The following FOXB2 variants were observed in gnomAD, a reference collection of about 807,000 sequenced individuals.
The protein encoded by FOXB2 is forkhead box B2.
Under a neutral mutation model 0.9 loss-of-function variants are expected in FOXB2, and 1 was observed. The observed-to-expected ratio is 1.09, with a 90% CI of 0.39 to 5.18. The LOEUF (loss-of-function observed/expected upper bound fraction) is 5.18. FOXB2 is among the 30% of genes most tolerant of loss of function. The pLI is 0.16. For missense variants in FOXB2, 670 were observed against 626.6 expected (o/e 1.07, Z -0.74); for synonymous variants, 322 against 293.5 (o/e 1.10, Z -0.99).
chr9:77,020,852 G>C lies in FOXB2; in HGVS notation c.1198G>C (p.Ala400Pro). 1 of 1,547,634 alleles carries C rather than the reference G, an allele frequency of 6.5e-7. No homozygotes were observed. The highest frequency in any genetic ancestry group is 2.4e-5 in the East Asian group (1 of 41,778). Reference protein sequence around the residue: ...QPPAPSTVCSAAAASPVASLL... With the variant: ...QPPAPSTVCSPAAASPVASLL... ...TCCGGCGCCATCCACCGTGTGCTCCGCGGCCGCGGCCTCGCCCGTTGCCTC... is the reference window on the plus strand; with the variant it reads ...TCCGGCGCCATCCACCGTGTGCTCCCCGGCCGCGGCCTCGCCCGTTGCCTC... Residue 400 changes from alanine (A) to proline (P), a missense_variant, in exon 1 of 1, where the codon GCG (alanine) becomes CCG (proline). Coordinates refer to ENST00000376708, the MANE Select transcript of FOXB2 (RefSeq NM_001013735.1). The surrounding 1 kb of genome is among the most constrained non-coding windows in gnomAD (Gnocchi z 4.9).
rs898574373 is a variant in FOXB2 at position 77,019,966 on chromosome 9, G to T, written c.312G>T (p.Arg104=). The part of the protein sequence containing the change: ...GDMFENGSFL[R]RRKRFKVLRA... ...TGTTCGAGAACGGCAGCTTCCTGCG[G>T]CGTCGCAAGCGCTTCAAGGTGCTGC... Residue 104 remains arginine, a synonymous_variant, in exon 1 of 1, where the codon CGG becomes CGT. Transcript: ENST00000376708. The surrounding 1 kb of genome is among the most constrained non-coding windows in gnomAD (Gnocchi z 4.4). 4 of 1,612,744 alleles carry T rather than the reference G, an allele frequency of 2.5e-6. No individual in the cohort carries two copies. The highest frequency in any genetic ancestry group is 2.7e-5 in the African/African-American group (2 of 74,916).
At position 77,020,006 on chromosome 9, in the gene FOXB2, C is replaced by A. The variant is rs746062219; in HGVS notation, c.352C>A (p.His118Asn). The change falls in exon 1 of 1, where the codon CAC becomes AAC. Residue 118 changes from histidine (H) to asparagine (N), a missense_variant. Transcript: ENST00000376708. The surrounding 1 kb of genome is among the most constrained non-coding windows in gnomAD (Gnocchi z 4.9). The stretch of plus-strand genomic sequence containing the variant: ...CAAGGTGCTGCGCGCCGACCATACT[C>A]ACTTGCACGCGGGAAGCACCAAGAG... Reference protein sequence around the residue: ...RFKVLRADHTHLHAGSTKSAP... With the variant: ...RFKVLRADHTNLHAGSTKSAP... The A allele has an allele frequency of 1.2e-6, 2 of 1,611,246 alleles. No individual in the cohort carries two copies. Among genetic ancestry groups the A allele is most frequent in the South Asian group, 2.2e-5 (2 of 90,980 alleles).
Position 77,020,619 on chromosome 9 carries a change from C to A in FOXB2, c.965C>A (p.Ser322Ter), listed in dbSNP as rs746216665. The change falls in exon 1 of 1, where the codon TCG (serine) becomes TAG (stop). Residue 322 changes from serine (S) to a stop codon, truncating the protein, a stop_gained. Transcript: ENST00000376708. LOFTEE classifies it low-confidence loss of function (END_TRUNC). The surrounding 1 kb of genome is among the most constrained non-coding windows in gnomAD (Gnocchi z 4.9). ...TGGCCGCACGTTGGCGTCATGGATT[C>A]GGTGGCCGCCGCCGCGGCCGCCGCA... Reference protein sequence around the residue: ...SVWPHVGVMDSVAAAAAAAAA... With the variant: ...SVWPHVGVMD The A allele has an allele frequency of 6.3e-7, 1 of 1,597,960 alleles. No homozygotes were observed. The highest frequency in any genetic ancestry group is 1.7e-5 in the Admixed American group (1 of 58,436).
At position 77,020,599 on chromosome 9, in the gene FOXB2, G is replaced by A; in HGVS notation, c.945G>A (p.Pro315=). The stretch of plus-strand genomic sequence containing the variant: ...GCAACGTCGTCAGCTCCGTGTGGCC[G>A]CACGTTGGCGTCATGGATTCGGTGG... ...QLGNVVSSVW[P]HVGVMDSVAA... Residue 315 remains proline (P), a synonymous_variant, in exon 1 of 1, where the codon CCG becomes CCA. Coordinates refer to ENST00000376708, the MANE Select transcript of FOXB2 (RefSeq NM_001013735.1). This position sits in a 1 kb window ranked among gnomAD's most constrained non-coding sequence, Gnocchi z 4.9. The A allele has an allele frequency of 1.2e-6, 2 of 1,606,996 alleles. No individual in the cohort carries two copies. Among genetic ancestry groups the A allele is most frequent in the Middle Eastern group, 1.7e-4 (1 of 6,036 alleles).
chr9:77,020,560 G>A lies in FOXB2; in HGVS notation c.906G>A (p.Val302=), dbSNP rs1283018458. The change falls in exon 1 of 1, where the codon GTG becomes GTA. Residue 302 remains valine (V), a synonymous_variant. Transcript: ENST00000376708. The surrounding 1 kb of genome is among the most constrained non-coding windows in gnomAD (Gnocchi z 4.9). ...ASVMHHLGYP[V]PGQLGNVVSS... is the part of the protein sequence containing the mutation. ...TCATGCACCACCTGGGCTACCCCGT[G>A]CCCGGCCAGCTTGGCAACGTCGTCA... 2 of 1,610,696 alleles carry A rather than the reference G, an allele frequency of 1.2e-6. No individual in the cohort carries two copies. The highest frequency in any genetic ancestry group is 1.7e-6 in the Non-Finnish European group (2 of 1,179,386).
Position 77,020,582 on chromosome 9 carries a change from G to C in FOXB2, c.928G>C (p.Val310Leu), listed in dbSNP as rs373706916. The part of the protein sequence containing the change: ...YPVPGQLGNV[V>L]SSVWPHVGVM... ...CGTGCCCGGCCAGCTTGGCAACGTC[G>C]TCAGCTCCGTGTGGCCGCACGTTGG... Residue 310 changes from valine to leucine, a missense_variant, in exon 1 of 1, where the codon GTC (valine) becomes CTC (leucine). By Grantham distance (32) the Val-to-Leu change is conservative. Transcript: ENST00000376708. This position sits in a 1 kb window ranked among gnomAD's most constrained non-coding sequence, Gnocchi z 4.9. 7.5e-6 allele frequency: 12 copies of C among 1,609,522 alleles called. No individual in the cohort carries two copies. Among genetic ancestry groups the C allele is most frequent in the Non-Finnish European group, 1.0e-5 (12 of 1,179,052 alleles).
Position 77,019,819 on chromosome 9 carries a change from G to A in FOXB2, c.165G>A (p.Gln55=), listed in dbSNP as rs747383056. 6.2e-7 allele frequency: 1 copy of A among 1,614,102 alleles called. No homozygotes were observed. The highest frequency in any genetic ancestry group is 8.5e-7 in the Non-Finnish European group (1 of 1,180,030). ...ERFPYYREHT[Q]RWQNSLRHNL... ...TCCCCTACTACCGCGAGCACACACA[G>A]CGCTGGCAGAACAGCCTGCGCCACA... Residue 55 remains glutamine, a synonymous_variant, in exon 1 of 1, where the codon CAG becomes CAA. Coordinates refer to ENST00000376708, the MANE Select transcript of FOXB2 (RefSeq NM_001013735.1). The surrounding 1 kb of genome is among the most constrained non-coding windows in gnomAD (Gnocchi z 4.4).
Position 77,019,784 on chromosome 9 carries a change from A to G in FOXB2, c.130A>G (p.Met44Val), listed in dbSNP as rs764106651. ...LPLSDIYKFI[M>V]ERFPYYREHT... ...GCTGAGCGACATCTACAAGTTCATC[A>G]TGGAGCGCTTCCCCTACTACCGCGA... The change falls in exon 1 of 1, where the codon ATG (methionine) becomes GTG (valine). Residue 44 changes from methionine (M) to valine (V), a missense_variant. Transcript: ENST00000376708. This position sits in a 1 kb window ranked among gnomAD's most constrained non-coding sequence, Gnocchi z 4.4. 2 of 1,614,096 alleles carry G rather than the reference A, an allele frequency of 1.2e-6. No individual in the cohort carries two copies. Among genetic ancestry groups the G allele is most frequent in the East Asian group, 2.2e-5 (1 of 44,848 alleles).
Position 77,019,955 on chromosome 9 carries a change from A to T in FOXB2, c.301A>T (p.Ser101Cys). 1 of 1,613,166 alleles carries T rather than the reference A, an allele frequency of 6.2e-7. No homozygotes were observed. The highest frequency in any genetic ancestry group is 8.5e-7 in the Non-Finnish European group (1 of 1,180,008). ...PDCGDMFENGSFLRRRKRFKV... is the reference protein window; with the variant it reads ...PDCGDMFENGCFLRRRKRFKV... ...CTGCGGGGACATGTTCGAGAACGGC[A>T]GCTTCCTGCGGCGTCGCAAGCGCTT... Residue 101 changes from serine to cysteine, a missense_variant, in exon 1 of 1, where the codon AGC becomes TGC. Ser to Cys is a moderately radical substitution (Grantham distance 112, BLOSUM62 -1). Coordinates refer to ENST00000376708, the MANE Select transcript of FOXB2 (RefSeq NM_001013735.1). This position sits in a 1 kb window ranked among gnomAD's most constrained non-coding sequence, Gnocchi z 4.4.
chr9:77,020,402 GGCTCGGCCGCCGCCGCTGCCGCCGCGGC>G lies in FOXB2; in HGVS notation c.749_776del (p.Gly250AlafsTer79). ...GTCTCAGTTCCCACCCTACGGGCTG[GGCTCGGCCGCCGCCGCTGCCGCCGCGGC>G]CGCGGCGTCCACGTCAGGCTTCAAG... On this transcript the variant is annotated frameshift_variant, in exon 1 of 1. Coordinates refer to ENST00000376708, the MANE Select transcript of FOXB2 (RefSeq NM_001013735.1). LOFTEE classifies it low-confidence loss of function (END_TRUNC). The surrounding 1 kb of genome is among the most constrained non-coding windows in gnomAD (Gnocchi z 4.9). 6.3e-7 allele frequency: 1 copy of G among 1,582,434 alleles called. No individual in the cohort carries two copies. The highest frequency in any genetic ancestry group is 1.1e-5 in the South Asian group (1 of 88,454).
chr9:77,020,161 G>GCCT lies in FOXB2; in HGVS notation c.509_510insTCC (p.Pro174dup), dbSNP rs772063778. The GCCT allele has an allele frequency of 4.5e-5, 56 of 1,257,414 alleles. 1 individual carries two copies. In the Admixed American group the frequency reaches 9.1e-4, roughly 20 times the overall value. The allele number at this position is 1,257,414 out of a possible 1,614,324, so 77.9% of individuals were successfully genotyped here. A position where few individuals can be genotyped will look rare whatever the true frequency, so the allele number is the denominator to read the frequency against. ...ACCCACCCCAGCCGCCGCCGCCGCCGCCCCCGCCGCCGCCGCACATGGTAC... is the reference window on the plus strand; with the variant it reads ...ACCCACCCCAGCCGCCGCCGCCGCCGCCTCCCCCGCCGCCGCCGCACATGGTAC... On this transcript the variant is annotated inframe_insertion, in exon 1 of 1. Transcript: ENST00000376708. The surrounding 1 kb of genome is among the most constrained non-coding windows in gnomAD (Gnocchi z 4.9).
At position 77,020,874 on chromosome 9, in the gene FOXB2, C is replaced by G; in HGVS notation, c.1220C>G (p.Ala407Gly). 1 of 1,555,798 alleles carries G rather than the reference C, an allele frequency of 6.4e-7. No homozygotes were observed. Among genetic ancestry groups the G allele is most frequent in the Non-Finnish European group, 8.6e-7 (1 of 1,157,626 alleles). Residue 407 changes from alanine (A) to glycine (G), a missense_variant, in exon 1 of 1, where the codon GCC becomes GGC. By Grantham distance (60) the Ala-to-Gly change is moderately conservative. Coordinates refer to ENST00000376708, the MANE Select transcript of FOXB2 (RefSeq NM_001013735.1). This position sits in a 1 kb window ranked among gnomAD's most constrained non-coding sequence, Gnocchi z 4.9. ...VCSAAAASPV[A>G]SLLEPTAPTS... ...TCCGCGGCCGCGGCCTCGCCCGTTGCCTCTCTGCTGGAGCCCACAGCCCCT... is the reference window on the plus strand; with the variant it reads ...TCCGCGGCCGCGGCCTCGCCCGTTGGCTCTCTGCTGGAGCCCACAGCCCCT...
rs2063914174 is a variant in FOXB2 at position 77,020,623 on chromosome 9, G to GGCC, written c.978_980dup (p.Ala333dup). 6.3e-7 allele frequency: 1 copy of GGCC among 1,596,162 alleles called. No homozygotes were observed. Among genetic ancestry groups the GGCC allele is most frequent in the Admixed American group, 1.7e-5 (1 of 58,140 alleles). ...CGCACGTTGGCGTCATGGATTCGGT[G>GGCC]GCCGCCGCCGCGGCCGCCGCAGCCG... On this transcript the variant is annotated inframe_insertion, in exon 1 of 1. Transcript: ENST00000376708. The surrounding 1 kb of genome is among the most constrained non-coding windows in gnomAD (Gnocchi z 4.9).
chr9:77,020,544 A>C lies in FOXB2; in HGVS notation c.890A>C (p.His297Pro). ...CTGCCCTTGGCGTCCGTCATGCACC[A>C]CCTGGGCTACCCCGTGCCCGGCCAG... is the stretch of plus-strand genomic sequence containing the variant. The part of the protein sequence containing the change: ...GGLPLASVMH[H>P]LGYPVPGQLG... Residue 297 changes from histidine to proline, a missense_variant, in exon 1 of 1, where the codon CAC (histidine) becomes CCC (proline). Physicochemically the swap from His to Pro is moderately conservative, Grantham distance 77. Transcript: ENST00000376708. The surrounding 1 kb of genome is among the most constrained non-coding windows in gnomAD (Gnocchi z 4.9). 6.2e-7 allele frequency: 1 copy of C among 1,609,792 alleles called. No homozygotes were observed. Among genetic ancestry groups the C allele is most frequent in the Non-Finnish European group, 8.5e-7 (1 of 1,179,104 alleles).
rs1296499621 is a variant in FOXB2 at position 77,020,008 on chromosome 9, C to T, written c.354C>T (p.His118=). The change falls in exon 1 of 1, where the codon CAC becomes CAT. Residue 118 remains histidine, a synonymous_variant. Transcript: ENST00000376708. This position sits in a 1 kb window ranked among gnomAD's most constrained non-coding sequence, Gnocchi z 4.9. ...AGGTGCTGCGCGCCGACCATACTCA[C>T]TTGCACGCGGGAAGCACCAAGAGCG... ...RFKVLRADHT[H]LHAGSTKSAP... is the part of the protein sequence containing the mutation. 9 of 1,611,040 alleles carry T rather than the reference C, an allele frequency of 5.6e-6. No individual in the cohort carries two copies. Among genetic ancestry groups the T allele is most frequent in the Non-Finnish European group, 7.6e-6 (9 of 1,179,350 alleles).
In FOXB2 at chr9:77,020,539, GCACCAC is replaced by G. The variant is rs778716347; in HGVS notation, c.887_892del (p.His296_His297del). The G allele has an allele frequency of 1.2e-6, 2 of 1,611,080 alleles. No homozygotes were observed. The highest frequency in any genetic ancestry group is 2.7e-5 in the African/African-American group (2 of 74,648). ...GAGGGCTGCCCTTGGCGTCCGTCAT[GCACCAC>G]CTGGGCTACCCCGTGCCCGGCCAGC... On this transcript the variant is annotated inframe_deletion, in exon 1 of 1. Transcript: ENST00000376708. The surrounding 1 kb of genome is among the most constrained non-coding windows in gnomAD (Gnocchi z 4.9).
rs545114398 is a variant in FOXB2, at chr9:77,020,722, C to A, written c.1068C>A (p.Ser356Arg). Reference protein sequence around the residue: ...VPVKSLCHSASQSLPAMPVPI... With the variant: ...VPVKSLCHSARQSLPAMPVPI... ...TCAAGTCCCTGTGCCACTCGGCAAG[C>A]CAGAGCCTGCCTGCCATGCCGGTGC... The change falls in exon 1 of 1, where the codon AGC becomes AGA. Residue 356 changes from serine to arginine, a missense_variant. Transcript: ENST00000376708. This position sits in a 1 kb window ranked among gnomAD's most constrained non-coding sequence, Gnocchi z 4.9. The A allele has an allele frequency of 1.3e-6, 2 of 1,596,390 alleles. No homozygotes were observed. The highest frequency in any genetic ancestry group is 1.1e-5 in the South Asian group (1 of 89,202).
chr9:77,020,325 C>T lies in FOXB2; in HGVS notation c.671C>T (p.Ala224Val). The part of the protein sequence containing the change: ...PGKMQEAAAV[A>V]AAAAAAAAAA... ...AAGATGCAGGAGGCGGCGGCCGTGG[C>T]GGCGGCGGCGGCGGCGGCCGCGGCA... The change falls in exon 1 of 1, where the codon GCG (alanine) becomes GTG (valine). Residue 224 changes from alanine (A) to valine (V), a missense_variant. Physicochemically the swap from Ala to Val is moderately conservative, Grantham distance 64. Transcript: ENST00000376708. This position sits in a 1 kb window ranked among gnomAD's most constrained non-coding sequence, Gnocchi z 4.9. 4.9e-6 allele frequency: 5 copies of T among 1,014,566 alleles called. No homozygotes were observed. Among genetic ancestry groups the T allele is most frequent in the Non-Finnish European group, 6.1e-6 (5 of 821,974 alleles). 62.8% of individuals were successfully genotyped at this position (1,014,566 alleles called of 1,614,324 possible).
At position 77,020,312 on chromosome 9, in the gene FOXB2, G is replaced by A; in HGVS notation, c.658G>A (p.Ala220Thr). Reference sequence around the variant, plus strand: ...GTCTCACCCCGGCAAGATGCAGGAGGCGGCGGCCGTGGCGGCGGCGGCGGC... The same window carrying A: ...GTCTCACCCCGGCAAGATGCAGGAGACGGCGGCCGTGGCGGCGGCGGCGGC... Reference protein sequence around the residue: ...QPSHPGKMQEAAAVAAAAAAA... With the variant: ...QPSHPGKMQETAAVAAAAAAA... The change falls in exon 1 of 1, where the codon GCG (alanine) becomes ACG (threonine). Residue 220 changes from alanine (A) to threonine (T), a missense_variant. Ala to Thr is a moderately conservative substitution (Grantham distance 58). Coordinates refer to ENST00000376708, the MANE Select transcript of FOXB2 (RefSeq NM_001013735.1). The surrounding 1 kb of genome is among the most constrained non-coding windows in gnomAD (Gnocchi z 4.9). 4 of 1,276,170 alleles carry A rather than the reference G, an allele frequency of 3.1e-6. No individual in the cohort carries two copies. The highest frequency in any genetic ancestry group is 4.0e-6 in the Non-Finnish European group (4 of 1,006,618). 79.1% of individuals were successfully genotyped at this position (1,276,170 alleles called of 1,614,324 possible).
Sources: gnomAD v4.1 joint callset for allele counts on GRCh38, gnomAD v4.1.1 for gene constraint, Gnocchi (gnomAD v3.1) non-coding constraint, MANE v1.5 for transcripts, NCBI Gene and HGNC (gene_info 2026-07-23, HGNC 2026-07-21) for gene names.